Variants in ZBTB7C observed in about 807,000 individuals in gnomAD.
ZBTB7C encodes the protein zinc finger and BTB domain-containing protein 7C.
ZBTB7C carries 8 observed loss-of-function variants against 25.7 expected under a neutral mutation model. That is an observed-to-expected ratio of 0.31 (90% confidence interval 0.18 to 0.56). The LOEUF (loss-of-function observed/expected upper bound fraction) is 0.56, where lower values mean the gene tolerates loss of function less well. Ranked by LOEUF, ZBTB7C falls within the 20% of genes least tolerant of loss-of-function variation. The pLI is 0.91. For missense variants in ZBTB7C, 824 were observed against 855.2 expected (o/e 0.96, Z 0.46); for synonymous variants, 394 against 369.0 (o/e 1.07, Z -0.78).
intron 1 of ZBTB7C, among the ~76,000 whole-genome samples, chr18:48,367,175 T>TATATA (rs2047242433): frequency 4.8e-5 from 3 of 62,252 alleles, no homozygotes; most frequent in African/African-American, 2.2e-4. Context: ...TCCCCAAGTT[T>TATATA]TATATATATA....
chr18:48,276,268 T>TTC (rs903067783), intron 2 of ZBTB7C, among the ~76,000 whole-genome samples: 1 of 143,626 alleles, frequency 7.0e-6, no homozygotes. Flanking sequence ...GTCCTAAGCT[T>TTC]TCTCTCTTTT....
At chr18:48,208,734 C>T (rs1372070894) in intron 2 of ZBTB7C, among the ~76,000 whole-genome samples, 1 of 152,262 alleles carries the variant, frequency 6.6e-6, no homozygotes, top group Non-Finnish European at 1.5e-5. Context: ...ACCTTCCCAA[C>T]ATCTCAGACT....
intron 2 of ZBTB7C, among the ~76,000 whole-genome samples, chr18:48,202,891 A>G (rs961912535): frequency 2.0e-5 from 3 of 151,940 alleles, no homozygotes; most frequent in African/African-American, 7.3e-5. Context: ...GGAGTTGGGC[A>G]TGGCCTTCCC....
At chr18:48,174,232 T>A (rs1017015192) in intron 3 of ZBTB7C, among the ~76,000 whole-genome samples, 1 of 152,164 alleles carries the variant, frequency 6.6e-6, no homozygotes, top group African/African-American at 2.4e-5. Context: ...ATATAAAAGA[T>A]TCTTAAAAAT....
chr18:48,089,408 G>A (rs148102706), intron 3 of ZBTB7C, among the ~76,000 whole-genome samples: 2,540 of 151,730 alleles, frequency 0.017, 72 homozygotes, highest in African/African-American at 0.057. Context: ...GGAGGCGGAG[G>A]GTGCAGAGAG....
At chr18:48,095,490 T>C (rs1049237624) in intron 3 of ZBTB7C, among the ~76,000 whole-genome samples, 1 of 152,072 alleles carries the variant, frequency 6.6e-6, no homozygotes, top group Non-Finnish European at 1.5e-5. Flanking sequence ...GGCAGGTTGA[T>C]CACCTGAAGT....
intron 2 of ZBTB7C, among the ~76,000 whole-genome samples, chr18:48,280,589 T>G (rs2044810480): frequency 6.6e-6 from 1 of 152,096 alleles, no homozygotes; most frequent in African/African-American, 2.4e-5. Flanking sequence ...TGCACAACCC[T>G]GTGACTAGCC....
chr18:48,274,540 G>A (rs570390376), intron 2 of ZBTB7C, among the ~76,000 whole-genome samples: 19 of 152,020 alleles, frequency 1.2e-4, no homozygotes, highest in South Asian at 2.1e-4. Context: ...TCCCAAACTC[G>A]CTCCTCCCAG....
In ZBTB7C at chr18:48,052,588, G is replaced by C. The variant is rs182034975; in HGVS notation, c.-16-11465C>G. ...CAGGCAGAAAGGAAAGCAGAGGCCA[G>C]GTGAGGGGGCCATAGTTGGAGCAGA... On this transcript the variant is annotated intron_variant, in intron 3 of 4. Coordinates refer to ENST00000590800, the MANE Select transcript of ZBTB7C (RefSeq NM_001318841.2). 7.7e-4 allele frequency among the ~76,000 whole-genome samples: 117 copies of C among 152,298 alleles called. 1 individual carries two copies. The East Asian group carries it at 0.022, about 29-fold the overall frequency.
intron 2 of ZBTB7C, among the ~76,000 whole-genome samples, chr18:48,210,557 C>T (rs956922836): frequency 6.6e-6 from 1 of 152,080 alleles, no homozygotes; most frequent in South Asian, 2.1e-4. Flanking sequence ...AAGAAGCCAG[C>T]CACAAAAGAT....
chr18:48,150,903 C>T (rs2040656034), intron 3 of ZBTB7C: 1 of 152,186 alleles, frequency 6.6e-6, no homozygotes, highest in Admixed American at 6.5e-5. Flanking sequence ...TGGCATTTCT[C>T]AGTACGTGGA....
intron 2 of ZBTB7C, among the ~76,000 whole-genome samples, chr18:48,311,765 T>A (rs371615186): frequency 4.6e-5 from 7 of 152,304 alleles, no homozygotes; most frequent in African/African-American, 1.7e-4. Flanking sequence ...AGTAAAGATA[T>A]CAAAGTTATT....
intron 3 of ZBTB7C, among the ~76,000 whole-genome samples, chr18:48,135,089 G>C (rs1482544600): frequency 6.6e-6 from 1 of 151,970 alleles, no homozygotes; most frequent in East Asian, 1.9e-4. Context: ...TCCTTCCCAG[G>C]CTCCATCTCA....
chr18:48,056,372 T>C (rs1196206983), intron 3 of ZBTB7C, among the ~76,000 whole-genome samples: 1 of 152,240 alleles, frequency 6.6e-6, no homozygotes, highest in Non-Finnish European at 1.5e-5. Context: ...TTAGATAAGC[T>C]GATTCTGAAG....
intron 3 of ZBTB7C, among the ~76,000 whole-genome samples, chr18:48,121,849 C>T (rs2039640550): frequency 6.6e-6 from 1 of 152,136 alleles, no homozygotes; most frequent in Admixed American, 6.5e-5. Context: ...CTGTGCTGGG[C>T]ACAGAGTGGC....
chr18:48,201,528 A>G (rs1014143126), intron 2 of ZBTB7C, among the ~76,000 whole-genome samples: 3 of 151,482 alleles, frequency 2.0e-5, no homozygotes, highest in African/African-American at 7.3e-5. Context: ...ATGGCATTCG[A>G]TTTTCCACAC....
At chr18:48,111,728 A>T (rs952003287) in intron 3 of ZBTB7C, among the ~76,000 whole-genome samples, 5 of 152,228 alleles carry the variant, frequency 3.3e-5, no homozygotes, top group African/African-American at 1.2e-4. Flanking sequence ...CTCACTCATT[A>T]TTAAAGACCA....
intron 2 of ZBTB7C, chr18:48,203,662 C>T (rs2042509587): frequency 6.6e-6 from 1 of 152,160 alleles, no homozygotes; most frequent in African/African-American, 2.4e-5. Context: ...CATGGGCCCC[C>T]ACTGCCCCAC....
intron 3 of ZBTB7C, among the ~76,000 whole-genome samples, chr18:48,115,924 C>T (rs1308379201): frequency 1.3e-5 from 2 of 151,988 alleles, no homozygotes; most frequent in African/African-American, 4.8e-5. Flanking sequence ...GGAGGGAGAC[C>T]AAGGGCCTCG....
Sources: allele counts gnomAD v4.1 joint callset (sites outside exome capture counted in the v4.1 genomes callset), GRCh38; gene constraint gnomAD v4.1.1; transcripts MANE v1.5; gene names NCBI Gene and HGNC (gene_info 2026-07-23, HGNC 2026-07-21).